ME3: variants seen among roughly 807,000 people sequenced by gnomAD.
ME3 encodes NADP-dependent malic enzyme, mitochondrial.
ME3 carries 48 observed loss-of-function variants against 68.9 expected under a neutral mutation model. The observed-to-expected ratio is 0.70, with a 90% CI of 0.55 to 0.89. ME3 has a LOEUF of 0.89. Among genes scored for constraint, ME3 ranks in the 40% least tolerant of loss-of-function variants. The pLI, the probability that ME3 is intolerant of heterozygous loss-of-function variation, is 0.00. For synonymous variants in ME3, 320 were observed against 318.8 expected (o/e 1.00, Z -0.04); for missense variants, 675 against 797.4 (o/e 0.85, Z 1.85).
intron 2 of ME3, among the ~76,000 whole-genome samples, chr11:86,649,051 A>C (rs1945225195): frequency 6.6e-6 from 1 of 152,216 alleles, no homozygotes; most frequent in Non-Finnish European, 1.5e-5. Context: ...ATGAACATCA[A>C]TGCAAAAATT....
At chr11:86,487,611 G>A (rs943495883) in intron 6 of ME3, among the ~76,000 whole-genome samples, 171 bp from the exon 7 acceptor site, 5 of 152,258 alleles carry the variant, frequency 3.3e-5, no homozygotes, top group South Asian at 4.1e-4. Context: ...GGGTCTGGAG[G>A]CTAAGCCAGT....
At chr11:86,522,731 T>A (rs751484957) in intron 4 of ME3, among the ~76,000 whole-genome samples, 1 of 152,168 alleles carries the variant, frequency 6.6e-6, no homozygotes, top group East Asian at 1.9e-4. Flanking sequence ...TATGGCTGCA[T>A]AGTATTCCAT....
chr11:86,562,696 CA>C (rs1957294835), intron 2 of ME3, among the ~76,000 whole-genome samples: 1 of 151,950 alleles, frequency 6.6e-6, no homozygotes, highest in Admixed American at 6.6e-5. Flanking sequence ...ATTTTAGATA[CA>C]GGGGTACATG....
chr11:86,552,187 G>A (rs962019255), intron 4 of ME3, among the ~76,000 whole-genome samples: 2 of 152,154 alleles, frequency 1.3e-5, no homozygotes, highest in African/African-American at 4.8e-5. Flanking sequence ...ATGTGAATAA[G>A]TGTTATTTCC....
chr11:86,646,644 G>T (rs1400577947), intron 2 of ME3, among the ~76,000 whole-genome samples: 2 of 152,182 alleles, frequency 1.3e-5, no homozygotes, highest in African/African-American at 4.8e-5. Context: ...TATTATCCAG[G>T]AGAACTTCCC....
intron 11 of ME3, among the ~76,000 whole-genome samples, chr11:86,447,855 C>A (rs1362537540): frequency 9.2e-4 from 111 of 120,692 alleles, no homozygotes; most frequent in Admixed American, 1.4e-3. Flanking sequence ...TAAACTCTGT[C>A]AAAAAAAAAA....
intron 2 of ME3, among the ~76,000 whole-genome samples, chr11:86,608,759 T>C (rs1379224348): frequency 1.3e-5 from 2 of 152,208 alleles, no homozygotes; most frequent in Non-Finnish European, 2.9e-5. Flanking sequence ...TGAAATACAT[T>C]GTGAATATGC....
At chr11:86,533,932 C>G (rs1955453670) in intron 4 of ME3, among the ~76,000 whole-genome samples, 1 of 152,194 alleles carries the variant, frequency 6.6e-6, no homozygotes, top group East Asian at 1.9e-4. Context: ...GGCTACGTGG[C>G]ATAGCCTATT....
In ME3 at chr11:86,574,401, G is replaced by GTT. The variant is rs759945951; in HGVS notation, c.184-14579_184-14578insAA. 6.7e-4 allele frequency among the ~76,000 whole-genome samples: 40 copies of GTT among 59,732 alleles called. No homozygotes were observed. The East Asian group carries it at 0.013, about 20-fold the overall frequency. The allele number at this position is 59,732 out of a possible 152,430, so 39.2% of individuals were successfully genotyped here. A position where few individuals can be genotyped will look rare whatever the true frequency, so the allele number is the denominator to read the frequency against. On this transcript the variant is annotated intron_variant, in intron 2 of 14. Transcript: ENST00000543262. ...TTTGGATGGGGTATTTGTTGCCGGG[G>GTT]GGGGGGGGGGTGTCTTTTTTGTTGA...
At chr11:86,513,319 G>A (rs1000677979) in intron 4 of ME3, among the ~76,000 whole-genome samples, 2 of 152,152 alleles carry the variant, frequency 1.3e-5, no homozygotes, top group Non-Finnish European at 2.9e-5. Flanking sequence ...AATGTGTTAA[G>A]AGCTTTTAAC....
At chr11:86,609,947 T>C (rs141586598) in intron 2 of ME3, among the ~76,000 whole-genome samples, 1 of 152,340 alleles carries the variant, frequency 6.6e-6, no homozygotes, top group East Asian at 1.9e-4. Flanking sequence ...GGCATTTCTT[T>C]ATGCGCTCTG....
intron 2 of ME3, among the ~76,000 whole-genome samples, chr11:86,620,599 C>A (rs1158799351): frequency 1.3e-5 from 2 of 152,160 alleles, no homozygotes; most frequent in Admixed American, 6.6e-5. Flanking sequence ...TATATGGTCA[C>A]AGAGAAAATG....
rs181191141 is a variant in ME3 at position 86,623,772 on chromosome 11, C to T, written c.183+47990G>A. On this transcript the variant is annotated intron_variant, in intron 2 of 14. Transcript: ENST00000543262. The stretch of plus-strand genomic sequence containing the variant: ...GTTACCTCTGAGGGTCTTTCCAGTT[C>T]GGTAGCAAGCAATAATGAAATGTTC... Among the ~76,000 whole-genome samples the T allele has an allele frequency of 7.9e-5, 12 of 152,238 alleles. No individual in the cohort carries two copies. In the East Asian group the frequency reaches 9.6e-4, roughly 12 times the overall value.
intron 2 of ME3, among the ~76,000 whole-genome samples, chr11:86,657,688 A>G (rs1194166758): frequency 2.0e-5 from 3 of 152,214 alleles, no homozygotes; most frequent in African/African-American, 7.2e-5. Context: ...CTTGTGACCA[A>G]ACTAGAAGAA....
At chr11:86,641,036 T>TTG (rs1257742926) in intron 2 of ME3, among the ~76,000 whole-genome samples, 3 of 140,142 alleles carry the variant, frequency 2.1e-5, no homozygotes, top group Non-Finnish European at 3.0e-5. Context: ...TCAATTTCAC[T>TTG]GGGGGGGGGG....
chr11:86,612,238 G>A (rs1251825068), intron 2 of ME3, among the ~76,000 whole-genome samples: 2 of 152,194 alleles, frequency 1.3e-5, no homozygotes, highest in Non-Finnish European at 2.9e-5. Context: ...CAAAGGACAT[G>A]ATCTCATTCC....
At chr11:86,596,847 T>C (rs1254817185) in intron 2 of ME3, among the ~76,000 whole-genome samples, 2 of 152,250 alleles carry the variant, frequency 1.3e-5, no homozygotes, top group Non-Finnish European at 2.9e-5. Flanking sequence ...CCCTCTTTTT[T>C]CTTTATATTT....
chr11:86,481,841 G>A lies in ME3; in HGVS notation c.809+5496C>T, dbSNP rs1018111868. 1.8e-4 allele frequency among the ~76,000 whole-genome samples: 27 copies of A among 152,068 alleles called. 1 individual carries two copies. The highest frequency in any genetic ancestry group is 2.4e-5 in the African/African-American group (1 of 41,376). On this transcript the variant is annotated intron_variant, in intron 7 of 14. Coordinates refer to ENST00000543262, the Ensembl canonical transcript of ME3. ...CACAAGGCTCCTCACAGCTCCAAAG[G>A]GGGCAAAGGATAGCACACTGCTGCC...
chr11:86,604,027 G>A (rs1490390109), intron 2 of ME3, among the ~76,000 whole-genome samples: 4 of 150,998 alleles, frequency 2.6e-5, no homozygotes, highest in Admixed American at 6.6e-5. Flanking sequence ...GCACACCAAC[G>A]TGGCACATGT....
Sources: allele counts gnomAD v4.1 joint callset (sites outside exome capture counted in the v4.1 genomes callset), GRCh38; gene constraint gnomAD v4.1.1; transcripts MANE v1.5; gene names NCBI Gene and HGNC (gene_info 2026-07-23, HGNC 2026-07-21).